CDH2: variants seen among roughly 807,000 people sequenced by gnomAD.
CDH2 encodes the protein cadherin-2.
CDH2 carries 17 observed loss-of-function variants against 92.0 expected under a neutral mutation model. That is an observed-to-expected ratio of 0.18 (90% CI 0.13 to 0.28). The LOEUF is 0.28. Among genes scored for constraint, CDH2 ranks in the 10% least tolerant of loss-of-function variants. CDH2 has a pLI of 1.00. For synonymous variants in CDH2, 419 were observed against 415.9 expected (o/e 1.01, Z -0.09); for missense variants, 862 against 1,133.1 (o/e 0.76, Z 3.44).
chr18:27,970,560 C>A (rs1324469427), intron 14 of CDH2, among the ~76,000 whole-genome samples: 2 of 152,118 alleles, frequency 1.3e-5, no homozygotes, highest in African/African-American at 2.4e-5. Context: ...GCAAAGGGAG[C>A]CAAGTATTTG....
chr18:28,048,236 T>C (rs190204603), intron 2 of CDH2, among the ~76,000 whole-genome samples: 1 of 152,182 alleles, frequency 6.6e-6, no homozygotes, highest in East Asian at 1.9e-4. Flanking sequence ...TGGGCTGCAG[T>C]TCTAGGTTTC....
downstream of CDH2, among the ~76,000 whole-genome samples, chr18:27,950,804 G>C (rs1025915115): frequency 6.6e-6 from 1 of 152,190 alleles, no homozygotes. Context: ...GGTCCAAAAT[G>C]ATTCTCTCTG....
At chr18:28,106,674 T>C (rs1452146383) in intron 2 of CDH2, among the ~76,000 whole-genome samples, 1 of 152,196 alleles carries the variant, frequency 6.6e-6, no homozygotes, top group Non-Finnish European at 1.5e-5. Flanking sequence ...TAATAGACCT[T>C]GTTTCTGTCT....
intron 2 of CDH2, among the ~76,000 whole-genome samples, chr18:28,028,936 T>A (rs1367965181): frequency 3.3e-5 from 5 of 152,152 alleles, no homozygotes; most frequent in Non-Finnish European, 5.9e-5. Flanking sequence ...GCCAATAGAA[T>A]TTAAGTACTA....
At chr18:27,990,047 A>C (rs1415035185) in intron 10 of CDH2, 50 bp downstream of exon 10, 3 of 1,519,044 alleles carry the variant, frequency 2.0e-6, no homozygotes, top group Non-Finnish European at 2.7e-6. Context: ...TTTTATGCAC[A>C]GCATAGAACA....
chr18:28,095,554 A>T (rs1402348149), intron 2 of CDH2, among the ~76,000 whole-genome samples: 1 of 152,204 alleles, frequency 6.6e-6, no homozygotes, highest in African/African-American at 2.4e-5. Flanking sequence ...GTGGTGGCTC[A>T]TGCCTGTAAT....
At chr18:27,965,924 GT>G (rs2011521971) in intron 14 of CDH2, among the ~76,000 whole-genome samples, 1 of 133,862 alleles carries the variant, frequency 7.5e-6, no homozygotes, top group Non-Finnish European at 1.5e-5. Flanking sequence ...GGAGGTGAAA[GT>G]TGCAGTGAGA....
intron 2 of CDH2, among the ~76,000 whole-genome samples, chr18:28,062,744 C>T (rs927408856): frequency 1.3e-5 from 2 of 152,080 alleles, no homozygotes; most frequent in Non-Finnish European, 2.9e-5. Flanking sequence ...AAGTCCAAGG[C>T]GAGCGGATGA....
intron 5 of CDH2, among the ~76,000 whole-genome samples, chr18:28,007,165 A>AAATATATATAT (rs1172779200): frequency 9.0e-6 from 1 of 110,502 alleles, no homozygotes. Context: ...ATAAAAAAAA[A>AAATATATATAT]ATATATATAT....
rs114409823 is a variant in CDH2, at chr18:28,098,854, A to G, written c.172+48819T>C. Among the ~76,000 whole-genome samples the G allele has an allele frequency of 3.0e-3, 455 of 152,250 alleles. 1 individual carries two copies. The highest frequency in any genetic ancestry group is 0.011 in the African/African-American group (439 of 41,566). Reference sequence around the variant, plus strand: ...TTTGCTACTCTTCATGTGTCTGCCAATGACCAAGACAGTGCTATGTACATT... The same window carrying G: ...TTTGCTACTCTTCATGTGTCTGCCAGTGACCAAGACAGTGCTATGTACATT... On this transcript the variant is annotated intron_variant, in intron 2 of 15. Transcript: ENST00000269141.
At chr18:28,017,209 T>C (rs991407941) in intron 2 of CDH2, among the ~76,000 whole-genome samples, 5 of 152,122 alleles carry the variant, frequency 3.3e-5, no homozygotes, top group Non-Finnish European at 7.4e-5. Context: ...CTTTGAATGT[T>C]TGATAAAATT....
intron 2 of CDH2, among the ~76,000 whole-genome samples, chr18:28,032,808 T>C (rs1032354592): frequency 2.0e-5 from 3 of 152,020 alleles, no homozygotes; most frequent in African/African-American, 7.2e-5. Flanking sequence ...GAAGCACCCA[T>C]TCCATTTTAG....
rs1017798370 is a variant in CDH2 at position 27,944,045 on chromosome 18, T to C, written c.1152-10921A>G. Among the ~76,000 whole-genome samples, 8 of 152,122 alleles carry C rather than the reference T, an allele frequency of 5.3e-5. No individual in the cohort carries two copies. In the South Asian group the frequency reaches 1.7e-3, roughly 32 times the overall value. On this transcript the variant is annotated intron_variant, in intron 6 of 6. Transcript: ENST00000675173. The stretch of plus-strand genomic sequence containing the variant: ...AAATGAAACAAAAAAATTATTACAA[T>C]AGTATCAGCCTCTGAATATAAAAGC...
chr18:28,165,615 G>A (rs1040371241), intron 1 of CDH2, among the ~76,000 whole-genome samples: 14 of 151,990 alleles, frequency 9.2e-5, no homozygotes, highest in African/African-American at 2.7e-4. Flanking sequence ...TGGGCATACT[G>A]AAAGAGAAAC....
chr18:28,098,965 C>T (rs972131959), intron 2 of CDH2, among the ~76,000 whole-genome samples: 2 of 152,048 alleles, frequency 1.3e-5, no homozygotes, highest in Non-Finnish European at 2.9e-5. Context: ...TGTATATATA[C>T]ATAGGGGAAA....
intron 2 of CDH2, among the ~76,000 whole-genome samples, chr18:28,107,699 G>A (rs375254005): frequency 1.9e-4 from 29 of 151,996 alleles, no homozygotes; most frequent in Admixed American, 6.5e-4. Context: ...AAAGAGTGCA[G>A]CAGGTCAAAA....
At chr18:28,176,869 G>T (rs1379948683) in intron 1 of CDH2, 94 bp downstream of exon 1, 2 of 634,632 alleles carry the variant, frequency 3.2e-6, no homozygotes, top group Non-Finnish European at 4.0e-6. Flanking sequence ...TCCCGGGTGC[G>T]CAGCCCGGCC....
intron 2 of CDH2, among the ~76,000 whole-genome samples, chr18:28,109,759 G>A (rs566143542): frequency 2.2e-4 from 34 of 152,000 alleles, no homozygotes; most frequent in Non-Finnish European, 3.8e-4. Context: ...AAAATTCCAC[G>A]TCCAGGTAAT....
At chr18:28,129,345 A>G (rs529767845) in intron 2 of CDH2, among the ~76,000 whole-genome samples, 4 of 152,364 alleles carry the variant, frequency 2.6e-5, no homozygotes, top group African/African-American at 9.6e-5. Flanking sequence ...TATCTATAAT[A>G]TAAGCCATCA....
Sources: gnomAD v4.1 joint callset for allele counts (sites outside exome capture counted in the v4.1 genomes callset) on GRCh38, gnomAD v4.1.1 for gene constraint, MANE v1.5 for transcripts, NCBI Gene and HGNC (gene_info 2026-07-23, HGNC 2026-07-21) for gene names.